LILRB4: variants seen among roughly 807,000 people sequenced by gnomAD.
LILRB4 encodes the protein leukocyte immunoglobulin like receptor B4, also known as leukocyte immunoglobulin-like receptor subfamily B member 4.
A neutral mutation model predicts 55.2 loss-of-function variants in LILRB4; 49 were observed. The ratio of observed to expected loss-of-function variants is 0.89; its 90% CI spans 0.71 to 1.13. The LOEUF (loss-of-function observed/expected upper bound fraction) is 1.13, where lower values mean the gene tolerates loss of function less well. Among genes scored for constraint, LILRB4 ranks in the 50% most tolerant of loss-of-function variants. The pLI is 0.00. For missense variants in LILRB4, 590 were observed against 555.2 expected (o/e 1.06, Z -0.63); for synonymous variants, 229 against 213.8 (o/e 1.07, Z -0.62).
chr19:54,663,939 C>T, exon 3 of LILRB4: 14 of 1,614,122 alleles, frequency 8.7e-6, no homozygotes, highest in Non-Finnish European at 1.1e-5. Flanking sequence ...ATTCTCCATC[C>T]CATCCATGAC....
exon 4 of LILRB4, chr19:54,664,426 A>G (rs752270923): frequency 1.2e-6 from 2 of 1,613,476 alleles, no homozygotes; most frequent in Non-Finnish European, 1.7e-6. Flanking sequence ...TTCAGCTCAC[A>G]CGGCTTCTCC....
At position 54,665,085 on chromosome 19, in the gene LILRB4, G is replaced by A. The variant is rs774621739; in HGVS notation, c.707-45G>A. On this transcript the variant is annotated intron_variant, in intron 5 of 11. Transcript: ENST00000430952. This position sits in a 1 kb window ranked among gnomAD's most constrained non-coding sequence, Gnocchi z 5.5. ...TTGCGGGGAGAAGCCGAGCTGATGT[G>A]GGGAGCAGGGCAGCCCCAGCCCTCA... 1.1e-5 allele frequency: 17 copies of A among 1,606,358 alleles called. No individual in the cohort carries two copies. Among genetic ancestry groups the A allele is most frequent in the African/African-American group, 2.7e-5 (2 of 74,720 alleles).
At chr19:54,662,994 T>C (rs2065069342), upstream of LILRB4, 2 of 1,614,046 alleles carry the variant, frequency 1.2e-6, no homozygotes, top group Non-Finnish European at 1.7e-6. Flanking sequence ...CACTGAGGAC[T>C]CATCCATCTG....
chr19:54,668,121 C>G, exon 12 of LILRB4: 1 of 1,361,470 alleles, frequency 7.3e-7, no homozygotes, highest in Non-Finnish European at 1.0e-6. Context: ...CAGCCCAGAC[C>G]CCTGACACAG....
At chr19:54,668,252 A>G (rs1264072648) in exon 12 of LILRB4, 7 of 522,912 alleles carry the variant, frequency 1.3e-5, no homozygotes, top group Non-Finnish European at 2.3e-5. Context: ...CTGATAAAAC[A>G]AAACAGAAGT....
rs545919991 is a variant in LILRB4, at chr19:54,666,920, G to T, written c.1041+171G>T. 9.0e-6 allele frequency: 7 copies of T among 781,756 alleles called. No homozygotes were observed. The highest frequency in any genetic ancestry group is 7.0e-6 in the Non-Finnish European group (3 of 430,954). The allele number at this position is 781,756 out of a possible 1,614,324, so 48.4% of individuals were successfully genotyped here. A position where few individuals can be genotyped will look rare whatever the true frequency, so the allele number is the denominator to read the frequency against. On this transcript the variant is annotated intron_variant, in intron 10 of 11. Coordinates refer to ENST00000430952, the Ensembl canonical transcript of LILRB4. This position sits in a 1 kb window ranked among gnomAD's most constrained non-coding sequence, Gnocchi z 4.8. ...GACCTCACTCTCTCCTGCTGTCCTG[G>T]GACCTCATGGGCCTCCTCCCGGGTC...
chr19:54,665,099 C>T lies in LILRB4; in HGVS notation c.707-31C>T. 1 of 1,607,880 alleles carries T rather than the reference C, an allele frequency of 6.2e-7. No individual in the cohort carries two copies. The highest frequency in any genetic ancestry group is 8.5e-7 in the Non-Finnish European group (1 of 1,176,176). On this transcript the variant is annotated intron_variant, in intron 5 of 11. Transcript: ENST00000430952. The surrounding 1 kb of genome is among the most constrained non-coding windows in gnomAD (Gnocchi z 5.5). ...CGAGCTGATGTGGGGAGCAGGGCAGCCCCAGCCCTCACATCCCTGTTCTAA... is the reference window on the plus strand; with the variant it reads ...CGAGCTGATGTGGGGAGCAGGGCAGTCCCAGCCCTCACATCCCTGTTCTAA...
At chr19:54,663,990 C>A (rs991527469) in exon 3 of LILRB4, 2 of 1,614,060 alleles carry the variant, frequency 1.2e-6, no homozygotes, top group Admixed American at 3.3e-5. Flanking sequence ...CTATCGCAGC[C>A]CTGTAGGCTG....
chr19:54,665,255 C>T lies in LILRB4; in HGVS notation c.757+75C>T. 1 of 1,473,010 alleles carries T rather than the reference C, an allele frequency of 6.8e-7. No homozygotes were observed. Among genetic ancestry groups the T allele is most frequent in the African/African-American group, 1.4e-5 (1 of 71,714 alleles). The allele number at this position is 1,473,010 out of a possible 1,614,324, so 91.2% of individuals were successfully genotyped here. On this transcript the variant is annotated intron_variant, in intron 6 of 11. Transcript: ENST00000430952. This position sits in a 1 kb window ranked among gnomAD's most constrained non-coding sequence, Gnocchi z 5.5. ...GGGTGGGTTCTGTCCTAGGTTAAGG[C>T]TCCTCTGGAGGTGGTGATGTGGACA... is the stretch of plus-strand genomic sequence containing the variant.
In LILRB4 at chr19:54,666,547, G is replaced by C. The variant is rs2065273154; in HGVS notation, c.988+111G>C. The C allele has an allele frequency of 2.7e-6, 4 of 1,478,406 alleles. No homozygotes were observed. The Admixed American group carries it at 7.1e-5, about 26-fold the overall frequency. The allele number at this position is 1,478,406 out of a possible 1,614,324, so 91.6% of individuals were successfully genotyped here. A position where few individuals can be genotyped will look rare whatever the true frequency, so the allele number is the denominator to read the frequency against. Reference sequence around the variant, plus strand: ...GGATTGGTCAGGGACTCAGGGAGAAGTGGTCTGAACCCACATTGTGGGACC... The same window carrying C: ...GGATTGGTCAGGGACTCAGGGAGAACTGGTCTGAACCCACATTGTGGGACC... On this transcript the variant is annotated intron_variant, in intron 9 of 11. Transcript: ENST00000430952. The surrounding 1 kb of genome is among the most constrained non-coding windows in gnomAD (Gnocchi z 4.8).
At chr19:54,667,412 G>A in intron 10 of LILRB4, 3 of 940,252 alleles carry the variant, frequency 3.2e-6, no homozygotes, top group Non-Finnish European at 4.7e-6. Context: ...GCGAGCTCTT[G>A]CAGGAAGGCC....
chr19:54,664,438 A>C (rs775402528), exon 4 of LILRB4: 2 of 1,589,746 alleles, frequency 1.3e-6, no homozygotes, highest in Non-Finnish European at 1.7e-6. Flanking sequence ...GGCTTCTCCC[A>C]CTACCTGCTG....
chr19:54,665,078 C>A lies in LILRB4; in HGVS notation c.707-52C>A. 1 of 1,600,472 alleles carries A rather than the reference C, an allele frequency of 6.2e-7. No homozygotes were observed. The highest frequency in any genetic ancestry group is 8.6e-7 in the Non-Finnish European group (1 of 1,169,162). On this transcript the variant is annotated intron_variant, in intron 5 of 11. Coordinates refer to ENST00000430952, the Ensembl canonical transcript of LILRB4. This position sits in a 1 kb window ranked among gnomAD's most constrained non-coding sequence, Gnocchi z 5.5. The stretch of plus-strand genomic sequence containing the variant: ...GGAGATGTTGCGGGGAGAAGCCGAG[C>A]TGATGTGGGGAGCAGGGCAGCCCCA...
chr19:54,667,581 A>G, intron 10 of LILRB4, 54 bp from the exon 11 acceptor site: 1 of 1,603,602 alleles, frequency 6.2e-7, no homozygotes, highest in Admixed American at 1.7e-5. Flanking sequence ...GGGAAAATTG[A>G]CTCCAGGGAG....
In LILRB4 at chr19:54,664,577, G is replaced by A. The variant is rs1462579971; in HGVS notation, c.655+92G>A. 11 of 1,378,630 alleles carry A rather than the reference G, an allele frequency of 8.0e-6. No homozygotes were observed. In the East Asian group the frequency reaches 2.3e-4, roughly 29 times the overall value. 85.4% of individuals were successfully genotyped at this position (1,378,630 alleles called of 1,614,324 possible). A position where few individuals can be genotyped will look rare whatever the true frequency, so the allele number is the denominator to read the frequency against. On this transcript the variant is annotated intron_variant, in intron 4 of 11. Transcript: ENST00000430952. Reference sequence around the variant, plus strand: ...TCTGGGCAGGGATGGAGGGAGAGGGGCTCAGCCAGTGGGGGACTCAGCCCT... The same window carrying A: ...TCTGGGCAGGGATGGAGGGAGAGGGACTCAGCCAGTGGGGGACTCAGCCCT...
chr19:54,665,940 G>A lies in LILRB4; in HGVS notation c.874+9G>A, dbSNP rs1354236072. 1.2e-6 allele frequency: 2 copies of A among 1,613,786 alleles called. No individual in the cohort carries two copies. Among genetic ancestry groups the A allele is most frequent in the African/African-American group, 2.7e-5 (2 of 74,812 alleles). On this transcript the variant is annotated intron_variant, in intron 7 of 11. Coordinates refer to ENST00000430952, the Ensembl canonical transcript of LILRB4. The surrounding 1 kb of genome is among the most constrained non-coding windows in gnomAD (Gnocchi z 5.5). ...AAAACACAGGACATTGGGTAAGTAGGAAATTGGGGGACCCGTGGGCTGATG... is the reference window on the plus strand; with the variant it reads ...AAAACACAGGACATTGGGTAAGTAGAAAATTGGGGGACCCGTGGGCTGATG...
intron 3 of LILRB4, 30 bp from the exon 4 acceptor site, chr19:54,664,156 C>T (rs1384800224): frequency 6.2e-7 from 1 of 1,600,098 alleles, no homozygotes; most frequent in Non-Finnish European, 8.5e-7. Flanking sequence ...GTGGGAGCCC[C>T]ATTTAACACG....
At chr19:54,664,448 G>C (rs150625618) in exon 4 of LILRB4, 2 of 1,612,044 alleles carry the variant, frequency 1.2e-6, no homozygotes, top group South Asian at 1.1e-5. Flanking sequence ...ACTACCTGCT[G>C]TCACACCCCA....
chr19:54,666,175 C>T lies in LILRB4; in HGVS notation c.875-65C>T. 6.9e-7 allele frequency: 1 copy of T among 1,457,048 alleles called. No individual in the cohort carries two copies. The allele number at this position is 1,457,048 out of a possible 1,614,324, so 90.3% of individuals were successfully genotyped here. On this transcript the variant is annotated intron_variant, in intron 7 of 11. Coordinates refer to ENST00000430952, the Ensembl canonical transcript of LILRB4. The surrounding 1 kb of genome is among the most constrained non-coding windows in gnomAD (Gnocchi z 4.8). ...ATTTTCAGGTTTCCTTTCCTCTTGA[C>T]TTGCATGTGCAAGGCAGGTGGTTCT... is the stretch of plus-strand genomic sequence containing the variant.
Sources: allele counts gnomAD v4.1 joint callset, GRCh38; gene constraint gnomAD v4.1.1; non-coding constraint Gnocchi (gnomAD v3.1); transcripts MANE v1.5; gene names NCBI Gene and HGNC (gene_info 2026-07-23, HGNC 2026-07-21).